TGFB2: variants seen among roughly 807,000 people sequenced by gnomAD.
The protein encoded by TGFB2 is transforming growth factor beta-2 proprotein.
Under a neutral mutation model 42.7 loss-of-function variants are expected in TGFB2, and 13 were observed. The ratio of observed to expected loss-of-function variants is 0.30; its 90% CI spans 0.20 to 0.48. The LOEUF is 0.48. Ranked by LOEUF, TGFB2 falls within the 20% of genes least tolerant of loss-of-function variation. The pLI, the probability that TGFB2 is intolerant of heterozygous loss-of-function variation, is 0.99. For missense variants in TGFB2, 390 were observed against 517.5 expected, an observed-to-expected ratio of 0.75 and a Z score of 2.39; for synonymous variants, 193 against 193.6, an observed-to-expected ratio of 1.00 and a Z score of 0.03.
chr1:218,423,417 A>G (rs1659520386), intron 2 of TGFB2, among the ~76,000 whole-genome samples: 1 of 152,220 alleles, frequency 6.6e-6, no homozygotes, highest in South Asian at 2.1e-4. Flanking sequence ...TGCATGGGGA[A>G]CTAGGGAAAG....
chr1:218,347,931 G>A (rs1184323460), intron 1 of TGFB2, among the ~76,000 whole-genome samples: 4 of 143,662 alleles, frequency 2.8e-5, no homozygotes. Context: ...GACGACAGCC[G>A]TATTTTTTTT....
At chr1:218,416,442 C>CA (rs1382385305) in intron 2 of TGFB2, among the ~76,000 whole-genome samples, 5 of 152,094 alleles carry the variant, frequency 3.3e-5, no homozygotes, top group African/African-American at 1.2e-4. Context: ...AGAACTGTGG[C>CA]AGAGTCCAGC....
chr1:218,356,780 G>A (rs1657048027), intron 1 of TGFB2, among the ~76,000 whole-genome samples: 1 of 152,214 alleles, frequency 6.6e-6, no homozygotes, highest in Admixed American at 6.5e-5. Flanking sequence ...GGCTGAGGCA[G>A]GTCAGGCAGC....
chr1:218,357,725 C>G (rs192618063), intron 1 of TGFB2, among the ~76,000 whole-genome samples: 30 of 152,368 alleles, frequency 2.0e-4, no homozygotes, highest in Admixed American at 1.2e-3. Context: ...CATCCCTCCA[C>G]AGGCAGCTGT....
chr1:218,351,775 T>C (rs1023038495), intron 1 of TGFB2, among the ~76,000 whole-genome samples: 2 of 152,128 alleles, frequency 1.3e-5, no homozygotes, highest in African/African-American at 4.8e-5. Flanking sequence ...GTTGCACTTT[T>C]TGAATGATTT....
intron 1 of TGFB2, among the ~76,000 whole-genome samples, chr1:218,372,231 A>G (rs1657596562): frequency 6.6e-6 from 1 of 152,212 alleles, no homozygotes; most frequent in Admixed American, 6.5e-5. Context: ...TGTTGTGTGT[A>G]TGATGCAACT....
At chr1:218,382,971 A>G (rs1658012937) in intron 1 of TGFB2, among the ~76,000 whole-genome samples, 1 of 152,182 alleles carries the variant, frequency 6.6e-6, no homozygotes, top group Admixed American at 6.5e-5. Context: ...TTTGAAAATA[A>G]ATGTTCATGG....
intron 6 of TGFB2, among the ~76,000 whole-genome samples, chr1:218,439,974 G>T (rs1660100836): frequency 6.6e-6 from 1 of 152,176 alleles, no homozygotes; most frequent in South Asian, 2.1e-4. Flanking sequence ...CGAGGAAAAG[G>T]TCACTTGCTG....
rs1656695458 is a variant in TGFB2 at position 218,346,768 on chromosome 1, A to G, written c.67A>G (p.Thr23Ala). The G allele has an allele frequency of 6.2e-7, 1 of 1,613,914 alleles. No individual in the cohort carries two copies. Reference protein sequence around the residue: ...HLVTVALSLSTCSTLDMDQFM... With the variant: ...HLVTVALSLSACSTLDMDQFM... The stretch of plus-strand genomic sequence containing the variant: ...GGTCACGGTCGCGCTCAGCCTGTCT[A>G]CCTGCAGCACACTCGATATGGACCA... Residue 23 changes from threonine to alanine, a missense_variant, in exon 1 of 7, where the codon ACC (threonine) becomes GCC (alanine). Coordinates refer to ENST00000366930, the MANE Select transcript of TGFB2 (RefSeq NM_003238.6). This position sits in a 1 kb window ranked among gnomAD's most constrained non-coding sequence, Gnocchi z 4.9.
chr1:218,391,811 T>A (rs758342619), intron 1 of TGFB2, among the ~76,000 whole-genome samples: 3 of 152,328 alleles, frequency 2.0e-5, no homozygotes, highest in Middle Eastern at 3.4e-3. Flanking sequence ...AAAAATAGAA[T>A]AATTCATTGT....
In TGFB2 at chr1:218,346,896, G is replaced by A. The variant is rs1656701921; in HGVS notation, c.195G>A (p.Pro65=). The A allele has an allele frequency of 6.2e-7, 1 of 1,614,180 alleles. No individual in the cohort carries two copies. Among genetic ancestry groups the A allele is most frequent in the South Asian group, 1.1e-5 (1 of 91,090 alleles). The change falls in exon 1 of 7, where the codon CCG becomes CCA. Residue 65 remains proline, a synonymous_variant. Transcript: ENST00000366930. This position sits in a 1 kb window ranked among gnomAD's most constrained non-coding sequence, Gnocchi z 4.9. ...EDYPEPEEVP[P]EVISIYNSTR... is the part of the protein sequence containing the mutation. ...ATCCTGAGCCCGAGGAAGTCCCCCCGGAGGTGATTTCCATCTACAACAGCA... is the reference window on the plus strand; with the variant it reads ...ATCCTGAGCCCGAGGAAGTCCCCCCAGAGGTGATTTCCATCTACAACAGCA...
intron 1 of TGFB2, among the ~76,000 whole-genome samples, chr1:218,399,363 A>G (rs896609177): frequency 2.0e-5 from 3 of 152,244 alleles, no homozygotes; most frequent in Non-Finnish European, 4.4e-5. Flanking sequence ...GAAGTATTTC[A>G]TGTATCACAT....
intron 2 of TGFB2, among the ~76,000 whole-genome samples, chr1:218,411,517 T>C (rs1053617740): frequency 6.6e-6 from 1 of 152,072 alleles, no homozygotes; most frequent in Non-Finnish European, 1.5e-5. Flanking sequence ...GTAGTCTTGT[T>C]TCTTACATGG....
In TGFB2 at chr1:218,347,143, G is replaced by T. The variant is rs1656713726; in HGVS notation, c.346+96G>T. ...CCCGGGATCGCCCTTCCCTCTCGCGGTTCCCGTTCGCTCTTTTCCCGTTCT... is the reference window on the plus strand; with the variant it reads ...CCCGGGATCGCCCTTCCCTCTCGCGTTTCCCGTTCGCTCTTTTCCCGTTCT... On this transcript the variant is annotated intron_variant, in intron 1 of 6. Transcript: ENST00000366930. The T allele has an allele frequency of 4.2e-6, 5 of 1,177,788 alleles. No individual in the cohort carries two copies. In the South Asian group the frequency reaches 7.1e-5, roughly 17 times the overall value. 73.0% of individuals were successfully genotyped at this position (1,177,788 alleles called of 1,614,324 possible).
chr1:218,414,663 C>G (rs944479046), intron 2 of TGFB2, among the ~76,000 whole-genome samples: 1 of 152,128 alleles, frequency 6.6e-6, no homozygotes, highest in African/African-American at 2.4e-5. Flanking sequence ...CAAGACCCCC[C>G]AAAAAGTAGA....
intron 1 of TGFB2, among the ~76,000 whole-genome samples, chr1:218,396,358 C>T (rs530485531): frequency 2.6e-5 from 4 of 152,216 alleles, no homozygotes; most frequent in African/African-American, 9.6e-5. Context: ...CGGTGGAGAG[C>T]ATGATGTAAT....
At chr1:218,401,649 A>T (rs1178229569) in intron 1 of TGFB2, among the ~76,000 whole-genome samples, 1 of 152,194 alleles carries the variant, frequency 6.6e-6, no homozygotes, top group African/African-American at 2.4e-5. Context: ...ATGGAATAGG[A>T]ACTGGGATGC....
chr1:218,346,961 C>G lies in TGFB2; in HGVS notation c.260C>G (p.Ala87Gly). ...LLQEKASRRA[A>G]ACERERSDEE... ...CAGGAGAAGGCGAGCCGGAGGGCGG[C>G]CGCCTGCGAGCGCGAGAGGAGCGAC... The change falls in exon 1 of 7, where the codon GCC becomes GGC. Residue 87 changes from alanine to glycine, a missense_variant. Physicochemically the swap from Ala to Gly is moderately conservative, Grantham distance 60. Transcript: ENST00000366930. This position sits in a 1 kb window ranked among gnomAD's most constrained non-coding sequence, Gnocchi z 4.9. The G allele has an allele frequency of 6.2e-7, 1 of 1,613,972 alleles. No individual in the cohort carries two copies. Among genetic ancestry groups the G allele is most frequent in the Non-Finnish European group, 8.5e-7 (1 of 1,179,928 alleles).
At position 218,434,453 on chromosome 1, in the gene TGFB2, C is replaced by A; in HGVS notation, c.754+5C>A. The A allele has an allele frequency of 6.3e-7, 1 of 1,594,560 alleles. No homozygotes were observed. Among genetic ancestry groups the A allele is most frequent in the South Asian group, 1.1e-5 (1 of 90,508 alleles). On this transcript the variant is annotated splice_donor_5th_base_variant and intron_variant, in intron 4 of 6. Coordinates refer to ENST00000366930, the MANE Select transcript of TGFB2 (RefSeq NM_003238.6). ...AACTAGAAGCAAGATTTGCAGGTAACCAAAACTTGGTCATATGAGGTGGGG... is the reference window on the plus strand; with the variant it reads ...AACTAGAAGCAAGATTTGCAGGTAAACAAAACTTGGTCATATGAGGTGGGG...
Sources: allele counts gnomAD v4.1 joint callset (sites outside exome capture counted in the v4.1 genomes callset), GRCh38; gene constraint gnomAD v4.1.1; non-coding constraint Gnocchi (gnomAD v3.1); transcripts MANE v1.5; gene names NCBI Gene and HGNC (gene_info 2026-07-23, HGNC 2026-07-21).